The following ESYT3 variants were observed in gnomAD, a reference collection of about 807,000 sequenced individuals.
The protein encoded by ESYT3 is extended synaptotagmin-3.
A neutral mutation model predicts 111.5 loss-of-function variants in ESYT3; 101 were observed. The observed-to-expected ratio is 0.91, with a 90% CI of 0.77 to 1.07. ESYT3 has a LOEUF of 1.07. Among genes scored for constraint, ESYT3 ranks in the 50% least tolerant of loss-of-function variants. The pLI, the probability that ESYT3 is intolerant of heterozygous loss-of-function variation, is 0.00. For missense variants in ESYT3, 1,097 were observed against 1,109.4 expected (o/e 0.99, Z 0.16); for synonymous variants, 416 against 446.8 (o/e 0.93, Z 0.87).
In ESYT3 at chr3:138,459,250, C is replaced by T; in HGVS notation, c.645C>T (p.Ile215=). 1 of 1,557,576 alleles carries T rather than the reference C, an allele frequency of 6.4e-7. No individual in the cohort carries two copies. The highest frequency in any genetic ancestry group is 8.7e-7 in the Non-Finnish European group (1 of 1,144,464). ...AGATTCAGGCTGGTGTGAACGGGAT[C>T]CAGGTGGGTGGAGCCCGGTGGGGCT... ...LQKIQAGVNG[I]QLQGTLRVIL... The change falls in exon 5 of 23, where the codon ATC becomes ATT. Residue 215 remains isoleucine, a synonymous_variant. Transcript: ENST00000389567.
chr3:138,471,278 A>T (rs1447660928), intron 17 of ESYT3, among the ~76,000 whole-genome samples: 2 of 152,162 alleles, frequency 1.3e-5, no homozygotes, highest in South Asian at 2.1e-4. Context: ...GTACCTTCTC[A>T]TCTATCCTCC....
At chr3:138,462,520 T>G in intron 8 of ESYT3, 1 of 491,756 alleles carries the variant, frequency 2.0e-6, no homozygotes, top group Non-Finnish European at 3.6e-6. Flanking sequence ...TTTTATACCT[T>G]AACTTCCTTT....
At chr3:138,448,266 TAAAAAAA>T (rs71146126) in intron 1 of ESYT3, among the ~76,000 whole-genome samples, 4 of 44,606 alleles carry the variant, frequency 9.0e-5, no homozygotes, top group Admixed American at 3.0e-4. Flanking sequence ...AAACTCGATC[TAAAAAAA>T]AAAAAAAAAA....
chr3:138,476,689 G>A, intron 22 of ESYT3, 129 bp from the exon 23 acceptor site: 1 of 1,118,786 alleles, frequency 8.9e-7, no homozygotes, highest in Non-Finnish European at 1.3e-6. Flanking sequence ...AACCCTGGCT[G>A]GCCAACTTAC....
intron 1 of ESYT3, among the ~76,000 whole-genome samples, chr3:138,442,465 G>A (rs2031227295): frequency 6.6e-6 from 1 of 152,106 alleles, no homozygotes; most frequent in African/African-American, 2.4e-5. Flanking sequence ...GCTAGCGGAG[G>A]TGGGTGGTGG....
chr3:138,462,759 C>T (rs2032716388), intron 8 of ESYT3, among the ~76,000 whole-genome samples: 1 of 152,136 alleles, frequency 6.6e-6, no homozygotes, highest in African/African-American at 2.4e-5. Flanking sequence ...ACCTCCTGGG[C>T]TCAAGCAATC....
chr3:138,459,914 GGCCCCT>G, intron 5 of ESYT3, 25 bp from the exon 6 acceptor site: 1 of 1,599,986 alleles, frequency 6.3e-7, no homozygotes, highest in South Asian at 1.1e-5. Flanking sequence ...AGTAGGCCTG[GGCCCCT>G]CACGGGCCCT....
At position 138,472,481 on chromosome 3, in the gene ESYT3, AG is replaced by A; in HGVS notation, c.1861del (p.Glu621LysfsTer70). The A allele has an allele frequency of 6.2e-7, 1 of 1,614,230 alleles. No homozygotes were observed. Among genetic ancestry groups the A allele is most frequent in the Non-Finnish European group, 8.5e-7 (1 of 1,180,038 alleles). ...AACCAGGGTCCCAAAGCCCAACCTC[AG>A]GAAGAAGGCCCTACAGATTTGCCAT... ...ATNQGPKAQPQEEGPTDLPCP... is the reference protein window; with the variant it reads ...ATNQGPKAQPXEEGPTDLPCP... On this transcript the variant is annotated frameshift_variant, in exon 18 of 23. Transcript: ENST00000389567. LOFTEE classifies it high-confidence loss of function.
At chr3:138,461,123 C>G (rs949602911) in intron 7 of ESYT3, among the ~76,000 whole-genome samples, 3 of 152,152 alleles carry the variant, frequency 2.0e-5, no homozygotes, top group African/African-American at 4.8e-5. Context: ...AAAAGGGGAG[C>G]CTGGTTCCTC....
intron 2 of ESYT3, among the ~76,000 whole-genome samples, chr3:138,452,841 A>G (rs2032033488): frequency 6.6e-6 from 1 of 152,182 alleles, no homozygotes; most frequent in African/African-American, 2.4e-5. Context: ...GACTTAGGTT[A>G]GGTATAAGAA....
intron 2 of ESYT3, among the ~76,000 whole-genome samples, chr3:138,453,307 T>G (rs1383687961): frequency 6.6e-6 from 1 of 152,200 alleles, no homozygotes; most frequent in Non-Finnish European, 1.5e-5. Flanking sequence ...ACTGTTGGGA[T>G]ATGAGGCTCC....
At chr3:138,446,075 G>C (rs570911255) in intron 1 of ESYT3, among the ~76,000 whole-genome samples, 2 of 152,312 alleles carry the variant, frequency 1.3e-5, no homozygotes, top group South Asian at 2.1e-4. Context: ...TTTGTAAAAG[G>C]GGAATAATGA....
chr3:138,462,582 T>C (rs1340399532), intron 8 of ESYT3: 1 of 350,778 alleles, frequency 2.9e-6, no homozygotes, highest in African/African-American at 2.0e-5. Flanking sequence ...AAAAAACAAA[T>C]TACATTTTAA....
At chr3:138,473,028 A>G (rs1044551640) in intron 18 of ESYT3, 169 bp downstream of exon 18, 2 of 1,461,508 alleles carry the variant, frequency 1.4e-6, no homozygotes, top group African/African-American at 1.4e-5. Flanking sequence ...AGGGAGAGAG[A>G]GCCAAACAGG....
At chr3:138,450,957 C>T (rs1281420845) in intron 1 of ESYT3, among the ~76,000 whole-genome samples, 1 of 152,070 alleles carries the variant, frequency 6.6e-6, no homozygotes. Context: ...TGGGGCATGG[C>T]CACAGTGGTG....
At position 138,435,624 on chromosome 3, in the gene ESYT3, A is replaced by C. The variant is rs1178729542; in HGVS notation, c.327+499A>C. Among the ~76,000 whole-genome samples, 4 of 152,030 alleles carry C rather than the reference A, an allele frequency of 2.6e-5. No individual in the cohort carries two copies. The highest frequency in any genetic ancestry group is 9.7e-5 in the African/African-American group (4 of 41,404). On this transcript the variant is annotated intron_variant, in intron 1 of 22. Coordinates refer to ENST00000389567, the MANE Select transcript of ESYT3 (RefSeq NM_031913.5). This position sits in a 1 kb window ranked among gnomAD's most constrained non-coding sequence, Gnocchi z 4.8. ...TAGGGGGAGGGCTCCGCGGGGCTGG[A>C]GGTGGAGTGGCGGGTACGGCTGGGA...
intron 7 of ESYT3, 86 bp downstream of exon 7, chr3:138,460,752 T>C: frequency 7.2e-7 from 1 of 1,387,534 alleles, no homozygotes; most frequent in Non-Finnish European, 1.0e-6. Context: ...TGTGCAATGG[T>C]GGTGCTTTCC....
intron 1 of ESYT3, among the ~76,000 whole-genome samples, chr3:138,449,082 C>CTTTTTCT (rs2031753430): frequency 8.8e-6 from 1 of 113,122 alleles, no homozygotes; most frequent in African/African-American, 3.8e-5. Context: ...CTTTCTTTTT[C>CTTTTTCT]TTTTTTTTTT....
At chr3:138,458,138 A>AGTGGCAAGATTTGAATT (rs1458461418) in intron 4 of ESYT3, among the ~76,000 whole-genome samples, 3 of 152,216 alleles carry the variant, frequency 2.0e-5, no homozygotes, top group Non-Finnish European at 4.4e-5. Context: ...CCTTCCTGGA[A>AGTGGCAAGATTTGAATT]GTGGCAAGAT....
Sources: gnomAD v4.1 joint callset for allele counts (sites outside exome capture counted in the v4.1 genomes callset) on GRCh38, gnomAD v4.1.1 for gene constraint, Gnocchi (gnomAD v3.1) non-coding constraint, MANE v1.5 for transcripts, NCBI Gene and HGNC (gene_info 2026-07-23, HGNC 2026-07-21) for gene names.